DNAH14: variants seen among roughly 807,000 people sequenced by gnomAD.
The protein encoded by DNAH14 is dynein axonemal heavy chain 14, also known as axonemal beta dynein heavy chain 14.
In DNAH14, 478 loss-of-function variants were observed where a neutral mutation model predicts 520.9. The observed-to-expected ratio is 0.92, with a 90% CI of 0.85 to 0.99. The LOEUF (loss-of-function observed/expected upper bound fraction) is 0.99. Among genes scored for constraint, DNAH14 ranks in the 50% least tolerant of loss-of-function variants. The pLI is 0.00. For missense variants in DNAH14, 4,831 were observed against 5,234.5 expected (o/e 0.92, Z 2.38); for synonymous variants, 1,581 against 1,757.2 (o/e 0.90, Z 2.51).
intron 62 of DNAH14, 62 bp downstream of exon 62, chr1:225,322,885 A>T: frequency 7.3e-7 from 1 of 1,375,382 alleles, no homozygotes; most frequent in East Asian, 2.6e-5. Flanking sequence ...CAAACAGACC[A>T]CCTGCCATCT....
At chr1:225,391,250 T>C (rs1233689532) in intron 83 of DNAH14, among the ~76,000 whole-genome samples, 1 of 151,984 alleles carries the variant, frequency 6.6e-6, no homozygotes, top group African/African-American at 2.4e-5. Flanking sequence ...CCAGCAGCTA[T>C]AGGAAGGAAG....
intron 84 of DNAH14, among the ~76,000 whole-genome samples, chr1:225,395,461 G>A (rs1402204893): frequency 6.6e-5 from 10 of 151,856 alleles, no homozygotes; most frequent in African/African-American, 2.4e-4. Context: ...GCGTAGTGGC[G>A]GGCGCCTGTA....
At chr1:224,975,167 G>C (rs1389079493) in intron 8 of DNAH14, among the ~76,000 whole-genome samples, 7 of 151,650 alleles carry the variant, frequency 4.6e-5, no homozygotes, top group Admixed American at 4.6e-4. Context: ...TGTTCATCAA[G>C]GATATTGGTC....
Position 225,007,417 on chromosome 1 carries a change from A to C in DNAH14, c.980A>C (p.Asp327Ala), listed in dbSNP as rs777631812. The change falls in exon 10 of 86, where the codon GAT becomes GCT. Residue 327 changes from aspartate to alanine, a missense_variant. By Grantham distance (126) the Asp-to-Ala change is moderately radical. Transcript: ENST00000682510. ...NLSAICLVKL[D>A]SSRTYSLDEF... ...CATTTACTATCATCTAATTAGCTGGATAGTTCTCGAACATATTCTCTAGAT... is the reference window on the plus strand; with the variant it reads ...CATTTACTATCATCTAATTAGCTGGCTAGTTCTCGAACATATTCTCTAGAT... The C allele has an allele frequency of 6.5e-7, 1 of 1,529,470 alleles. No individual in the cohort carries two copies. Among genetic ancestry groups the C allele is most frequent in the South Asian group, 1.3e-5 (1 of 79,998 alleles). The allele number at this position is 1,529,470 out of a possible 1,614,324, so 94.7% of individuals were successfully genotyped here.
intron 17 of DNAH14, among the ~76,000 whole-genome samples, chr1:225,058,985 A>G (rs1271288106): frequency 6.6e-6 from 1 of 152,104 alleles, no homozygotes; most frequent in Non-Finnish European, 1.5e-5. Flanking sequence ...TGTGGTGCTG[A>G]GAAGAATGTA....
In DNAH14 at chr1:225,043,106, T is replaced by C. The variant is rs748234767; in HGVS notation, c.1760T>C (p.Ile587Thr). 71 of 1,549,474 alleles carry C rather than the reference T, an allele frequency of 4.6e-5. No homozygotes were observed. The highest frequency in any genetic ancestry group is 6.1e-5 in the Non-Finnish European group (70 of 1,146,604). The change falls in exon 13 of 86, where the codon ATT (isoleucine) becomes ACT (threonine). Residue 587 changes from isoleucine (I) to threonine (T), a missense_variant. Physicochemically the swap from Ile to Thr is moderately conservative, Grantham distance 89. Transcript: ENST00000682510. ...SKEISYNLED[I>T]ISDTEIETEF... ...GAAATTAGTTACAATCTTGAAGATA[T>C]TATTTCAGGTAAGACAATTGAGACT...
chr1:225,092,063 G>T (rs1558929415), intron 21 of DNAH14, among the ~76,000 whole-genome samples: 1 of 152,110 alleles, frequency 6.6e-6, no homozygotes, highest in African/African-American at 2.4e-5. Flanking sequence ...GGAGCACCCA[G>T]ATTTATAAAG....
intron 8 of DNAH14, among the ~76,000 whole-genome samples, chr1:224,985,826 G>A (rs546033086): frequency 2.3e-4 from 35 of 151,938 alleles, no homozygotes; most frequent in African/African-American, 8.4e-4. Context: ...GAATTGGTGA[G>A]CTTGAAGACA....
At chr1:225,113,845 G>T (rs899085849) in intron 23 of DNAH14, among the ~76,000 whole-genome samples, 3 of 151,918 alleles carry the variant, frequency 2.0e-5, no homozygotes, top group African/African-American at 7.3e-5. Flanking sequence ...TGTAGTAAAT[G>T]CTGCCAGGCT....
intron 41 of DNAH14, among the ~76,000 whole-genome samples, chr1:225,224,683 A>G (rs1336307424): frequency 6.6e-6 from 1 of 151,976 alleles, no homozygotes; most frequent in Non-Finnish European, 1.5e-5. Context: ...AAAGTAGTTC[A>G]CTCCCCCATA....
chr1:225,373,932 C>A (rs2095652342), intron 77 of DNAH14, among the ~76,000 whole-genome samples: 1 of 150,932 alleles, frequency 6.6e-6, no homozygotes, highest in Non-Finnish European at 1.5e-5. Flanking sequence ...TCCAGACCAG[C>A]CTGGGCAACA....
intron 11 of DNAH14, among the ~76,000 whole-genome samples, chr1:225,035,955 T>G (rs1268315982): frequency 6.6e-6 from 1 of 152,110 alleles, no homozygotes; most frequent in South Asian, 2.1e-4. Context: ...ATTATTGTAT[T>G]GGGGTTTATC....
rs761647795 is a variant in DNAH14 at position 225,377,401 on chromosome 1, G to A, written c.12681G>A (p.Met4227Ile). 1 of 1,550,828 alleles carries A rather than the reference G, an allele frequency of 6.4e-7. No homozygotes were observed. The highest frequency in any genetic ancestry group is 1.2e-5 in the South Asian group (1 of 83,906). Residue 4227 changes from methionine (M) to isoleucine (I), a missense_variant, in exon 79 of 86, where the codon ATG becomes ATA. By Grantham distance (10) the Met-to-Ile change is conservative. Transcript: ENST00000682510. ...GEKFIENLIA[M>I]QPKTTTANLM... ...AGTTTATTGAAAATCTGATTGCCATGCAACCAAAAACTACCACTGCCAACC... is the reference window on the plus strand; with the variant it reads ...AGTTTATTGAAAATCTGATTGCCATACAACCAAAAACTACCACTGCCAACC...
chr1:225,025,883 T>A (rs2148056108), intron 11 of DNAH14, among the ~76,000 whole-genome samples: 1 of 152,308 alleles, frequency 6.6e-6, no homozygotes, highest in South Asian at 2.1e-4. Flanking sequence ...ATTAGTATAA[T>A]ATTTCCATAA....
Position 225,232,076 on chromosome 1 carries a change from T to A in DNAH14, c.6518+925T>A, listed in dbSNP as rs1487903952. ...ACTACTATTCTGGATTTTGTACTTA[T>A]TAATATGTTTCAAAATAATATTTTT... On this transcript the variant is annotated intron_variant, in intron 42 of 85. Coordinates refer to ENST00000682510, the MANE Select transcript of DNAH14 (RefSeq NM_001367479.1). This position sits in a 1 kb window ranked among gnomAD's most constrained non-coding sequence, Gnocchi z 4.2. 1.2e-4 allele frequency among the ~76,000 whole-genome samples: 19 copies of A among 152,156 alleles called. No homozygotes were observed. Among genetic ancestry groups the A allele is most frequent in the Admixed American group, 1.2e-3 (19 of 15,258 alleles).
intron 42 of DNAH14, among the ~76,000 whole-genome samples, chr1:225,240,119 C>T (rs2091883248): frequency 6.6e-6 from 1 of 152,130 alleles, no homozygotes. Flanking sequence ...TGACTATTCA[C>T]TTATGTCTTT....
intron 3 of DNAH14, among the ~76,000 whole-genome samples, chr1:224,955,690 G>GTAAA (rs1187562192): frequency 6.6e-5 from 10 of 152,196 alleles, no homozygotes; most frequent in Non-Finnish European, 1.5e-5. Flanking sequence ...CTCCTTTAAA[G>GTAAA]TAAATCCCAC....
intron 10 of DNAH14, among the ~76,000 whole-genome samples, chr1:225,016,019 C>T (rs2065190834): frequency 6.6e-6 from 1 of 152,210 alleles, no homozygotes; most frequent in African/African-American, 2.4e-5. Flanking sequence ...ATGATGTCCA[C>T]TCACGAGGGC....
At chr1:224,978,849 C>G (rs532844111) in intron 8 of DNAH14, among the ~76,000 whole-genome samples, 15 of 152,116 alleles carry the variant, frequency 9.9e-5, no homozygotes, top group African/African-American at 3.4e-4. Flanking sequence ...CTATGTTGCC[C>G]AGGCTGGTCA....
Sources: gnomAD v4.1 joint callset for allele counts (sites outside exome capture counted in the v4.1 genomes callset) on GRCh38, gnomAD v4.1.1 for gene constraint, Gnocchi (gnomAD v3.1) non-coding constraint, MANE v1.5 for transcripts, NCBI Gene and HGNC (gene_info 2026-07-23, HGNC 2026-07-21) for gene names.